The following AKR1E2 variants were observed in gnomAD, a reference collection of about 807,000 sequenced individuals.
AKR1E2 encodes the protein aldo-keto reductase family 1 member E2.
Under a neutral mutation model 41.9 loss-of-function variants are expected in AKR1E2, and 43 were observed. That is an observed-to-expected ratio of 1.03 (90% CI 0.80 to 1.32). The LOEUF is 1.32. Ranked by LOEUF, AKR1E2 falls within the 40% of genes most tolerant of loss-of-function variation. AKR1E2 has a pLI of 0.00. For missense variants in AKR1E2, 423 were observed against 396.5 expected (o/e 1.07, Z -0.57); for synonymous variants, 121 against 138.9 (o/e 0.87, Z 0.91).
chr10:4,845,001 G>A (rs577542424), intron 8 of AKR1E2, among the ~76,000 whole-genome samples: 11 of 152,196 alleles, frequency 7.2e-5, no homozygotes, highest in Non-Finnish European at 5.9e-5. Context: ...CTGCAGAGGA[G>A]CCCACGGAGG....
intron 1 of AKR1E2, among the ~76,000 whole-genome samples, chr10:4,828,587 G>T (rs963362737): frequency 7.2e-5 from 11 of 152,250 alleles, no homozygotes; most frequent in Admixed American, 3.9e-4. Context: ...AGCTTAGAAG[G>T]TTCCATGAGA....
chr10:4,829,441 CTT>C (rs575654463), intron 1 of AKR1E2, among the ~76,000 whole-genome samples: 84 of 152,156 alleles, frequency 5.5e-4, no homozygotes, highest in African/African-American at 1.9e-3. Context: ...GAATGTGTGA[CTT>C]TTAATATTTT....
upstream of AKR1E2, chr10:4,826,160 C>G (rs1832467617): frequency 6.1e-6 from 3 of 490,364 alleles, no homozygotes; most frequent in Non-Finnish European, 9.6e-6. Context: ...AGCAGCCAGT[C>G]AGGAAGCCCT....
chr10:4,870,872 C>G, the AKR1E2 span, among the ~76,000 whole-genome samples: 6 of 152,100 alleles, frequency 3.9e-5, no homozygotes, highest in Non-Finnish European at 5.9e-5. Context: ...TCTCTAAGCA[C>G]TTTTCCAGCC....
At chr10:4,865,426 C>T in the AKR1E2 span, among the ~76,000 whole-genome samples, 1 of 151,898 alleles carries the variant, frequency 6.6e-6, no homozygotes, top group Admixed American at 6.6e-5. Context: ...AGTAATTTGT[C>T]AAAGATTATA....
At chr10:4,854,091 T>TG in the AKR1E2 span, among the ~76,000 whole-genome samples, 7 of 70,230 alleles carry the variant, frequency 1.0e-4, no homozygotes, top group African/African-American at 3.7e-4. Context: ...TACTGTTTTT[T>TG]TTTTTTTTTT....
chr10:4,837,447 G>T lies in AKR1E2; in HGVS notation c.460-12G>T, dbSNP rs146073906. 2 of 1,613,390 alleles carry T rather than the reference G, an allele frequency of 1.2e-6. No individual in the cohort carries two copies. Among genetic ancestry groups the T allele is most frequent in the African/African-American group, 1.3e-5 (1 of 74,922 alleles). ...CAGAAGCTTCACACCCAGCAGAGTCGTTCTCTTATAGGCCATGGAGGACCT... is the reference window on the plus strand; with the variant it reads ...CAGAAGCTTCACACCCAGCAGAGTCTTTCTCTTATAGGCCATGGAGGACCT... On this transcript the variant is annotated splice_polypyrimidine_tract_variant and intron_variant, in intron 4 of 9. Transcript: ENST00000298375.
Position 4,826,310 on chromosome 10 carries a change from C to A in AKR1E2, c.-15C>A, listed in dbSNP as rs1218321426. On this transcript the variant is annotated 5_prime_UTR_variant, in exon 1 of 10. Transcript: ENST00000298375. ...CGTGCGGGGCGGCGGGGCGGCGGGG[C>A]GGCCGGCGGCGGCCATGGGAGATAT... 7 of 1,232,612 alleles carry A rather than the reference C, an allele frequency of 5.7e-6. No individual in the cohort carries two copies. In the East Asian group the frequency reaches 1.9e-4, roughly 33 times the overall value. 76.4% of individuals were successfully genotyped at this position (1,232,612 alleles called of 1,614,324 possible).
At chr10:4,841,921 T>A in intron 7 of AKR1E2, 64 bp downstream of exon 7, 1 of 1,479,396 alleles carries the variant, frequency 6.8e-7, no homozygotes, top group East Asian at 2.4e-5. Flanking sequence ...CCTTGGGGAG[T>A]CCTGGGGCTT....
the AKR1E2 span, among the ~76,000 whole-genome samples, chr10:4,862,402 T>G: frequency 6.6e-6 from 1 of 152,218 alleles, no homozygotes; most frequent in East Asian, 1.9e-4. Flanking sequence ...TAGGATTGAC[T>G]TGGCAATGCA....
At chr10:4,834,528 A>G (rs775313623) in intron 3 of AKR1E2, among the ~76,000 whole-genome samples, 19 of 152,226 alleles carry the variant, frequency 1.2e-4, no homozygotes, top group Non-Finnish European at 1.3e-4. Flanking sequence ...CATTGTTGTA[A>G]TTATGTACCC....
chr10:4,852,631 A>G (rs947887597), downstream of AKR1E2, among the ~76,000 whole-genome samples: 2 of 152,186 alleles, frequency 1.3e-5, no homozygotes, highest in African/African-American at 4.8e-5. Context: ...GTGTCTAATG[A>G]ATTTACGCTG....
the AKR1E2 span, among the ~76,000 whole-genome samples, chr10:4,864,256 T>TC: frequency 6.6e-6 from 1 of 152,072 alleles, no homozygotes; most frequent in African/African-American, 2.4e-5. Flanking sequence ...AAAAAGCTTA[T>TC]CCACCATGAT....
intron 3 of AKR1E2, among the ~76,000 whole-genome samples, chr10:4,835,271 T>A (rs1833309714): frequency 6.6e-6 from 1 of 152,234 alleles, no homozygotes; most frequent in African/African-American, 2.4e-5. Context: ...ATGGGGATTC[T>A]AAGAAAGAAG....
At chr10:4,844,450 G>T (rs945427187) in intron 8 of AKR1E2, among the ~76,000 whole-genome samples, 2 of 152,216 alleles carry the variant, frequency 1.3e-5, no homozygotes, top group Admixed American at 1.3e-4. Context: ...GGACGGGAGT[G>T]GGTTGCCAGT....
chr10:4,857,640 C>A, the AKR1E2 span, among the ~76,000 whole-genome samples: 1 of 152,154 alleles, frequency 6.6e-6, no homozygotes, highest in African/African-American at 2.4e-5. Flanking sequence ...ATACGTACTC[C>A]ATAAATATAT....
At chr10:4,827,633 A>G (rs747621770) in intron 1 of AKR1E2, among the ~76,000 whole-genome samples, 9 of 152,190 alleles carry the variant, frequency 5.9e-5, no homozygotes, top group Non-Finnish European at 1.3e-4. Context: ...TTAGTTGTTG[A>G]TAAAAGCTAT....
In AKR1E2 at chr10:4,830,633, C is replaced by T. The variant is rs150291564; in HGVS notation, c.40-42C>T. ...TGAAAGGGGAGATTTGTGTTGGATT[C>T]CTCTGACTGTGAGAAGACACTTTGT... On this transcript the variant is annotated intron_variant, in intron 1 of 9. Coordinates refer to ENST00000298375, the MANE Select transcript of AKR1E2 (RefSeq NM_001040177.3). 3,096 of 1,607,754 alleles carry T rather than the reference C, an allele frequency of 1.9e-3. 11 individuals carry two copies. Among genetic ancestry groups the T allele is most frequent in the Middle Eastern group, 9.3e-3 (56 of 6,024 alleles).
the AKR1E2 span, among the ~76,000 whole-genome samples, chr10:4,870,908 G>A: frequency 6.6e-6 from 1 of 151,956 alleles, no homozygotes; most frequent in African/African-American, 2.4e-5. Context: ...TTCTTTTCAG[G>A]ATTTGATGGC....
Sources: allele counts gnomAD v4.1 joint callset (sites outside exome capture counted in the v4.1 genomes callset), GRCh38; gene constraint gnomAD v4.1.1; transcripts MANE v1.5; gene names NCBI Gene and HGNC (gene_info 2026-07-23, HGNC 2026-07-21).